MAP4K2: variants seen among roughly 807,000 people sequenced by gnomAD.
MAP4K2 encodes the protein B lymphocyte serine/threonine protein kinase.
In MAP4K2, 85 loss-of-function variants were observed where a neutral mutation model predicts 125.3. That is an observed-to-expected ratio of 0.68 (90% CI 0.57 to 0.81). The LOEUF (loss-of-function observed/expected upper bound fraction) is 0.81. Among genes scored for constraint, MAP4K2 ranks in the 40% least tolerant of loss-of-function variants. The pLI is 0.00. For missense variants in MAP4K2, 923 were observed against 1,056.4 expected, an observed-to-expected ratio of 0.87 and a Z score of 1.75; for synonymous variants, 479 against 445.1, an observed-to-expected ratio of 1.08 and a Z score of -0.96.
rs374288132 is a variant in MAP4K2, at chr11:64,796,918, G to A, written c.1408-25C>T. 665 of 1,613,848 alleles carry A rather than the reference G, an allele frequency of 4.1e-4. 1 individual carries two copies. The highest frequency in any genetic ancestry group is 7.1e-5 in the Non-Finnish European group (84 of 1,180,008). On this transcript the variant is annotated intron_variant, in intron 20 of 31. Transcript: ENST00000294066. ...TCTGCAGAGGAGGCAAGAGGCTGGCGAGGGAGTGCAGGGGTGGTGGGTGGC... is the reference window on the plus strand; with the variant it reads ...TCTGCAGAGGAGGCAAGAGGCTGGCAAGGGAGTGCAGGGGTGGTGGGTGGC...
rs752791290 is a variant in MAP4K2, at chr11:64,800,830, T to C, written c.663-4A>G. 1.2e-6 allele frequency: 2 copies of C among 1,612,864 alleles called. No individual in the cohort carries two copies. The highest frequency in any genetic ancestry group is 2.2e-5 in the East Asian group (1 of 44,854). On this transcript the variant is annotated splice_region_variant and splice_polypyrimidine_tract_variant and intron_variant, in intron 9 of 31. Transcript: ENST00000294066. ...CTTCGACATGAGCATCAGGGCCCTG[T>C]GGAGGGCGCGAGGTCAGGGGCCACA...
rs202210431 is a variant in MAP4K2, at chr11:64,800,291, C to T, written c.807+20G>A. The T allele has an allele frequency of 7.3e-4, 1,172 of 1,613,616 alleles. 21 individuals carry two copies. In the South Asian group the frequency reaches 0.012, roughly 17 times the overall value. ...CTGCTTTTGAGTACTGGGCCTCTCT[C>T]CCGGCCCCCTGCCTCCCACCTGCAG... is the stretch of plus-strand genomic sequence containing the variant. On this transcript the variant is annotated intron_variant, in intron 11 of 31. Transcript: ENST00000294066.
At chr11:64,802,861 C>G (rs1186340480) in intron 2 of MAP4K2, 24 bp downstream of exon 2, 1 of 1,594,580 alleles carries the variant, frequency 6.3e-7, no homozygotes, top group Admixed American at 1.7e-5. Flanking sequence ...TCCTCTGGCG[C>G]AGAGGCCCGA....
At chr11:64,796,917 C>G in intron 20 of MAP4K2, 24 bp from the exon 21 acceptor site, 1 of 1,613,830 alleles carries the variant, frequency 6.2e-7, no homozygotes, top group South Asian at 1.1e-5. Flanking sequence ...AAGAGGCTGG[C>G]GAGGGAGTGC....
intron 24 of MAP4K2, 110 bp downstream of exon 24, chr11:64,796,163 A>T: frequency 1.0e-6 from 1 of 996,544 alleles, no homozygotes; most frequent in Non-Finnish European, 1.4e-6. Flanking sequence ...ACGGGCGCTC[A>T]GAGAGACAAC....
In MAP4K2 at chr11:64,786,922, TA is replaced by T. The variant is rs1332426687; in HGVS notation, c.*2614del. On this transcript the variant is annotated 3_prime_UTR_variant, in exon 32 of 32. Coordinates refer to ENST00000294066, the MANE Select transcript of MAP4K2 (RefSeq NM_004579.5). Reference sequence around the variant, plus strand: ...CTGTAAAAAAAAAAAAATTTTTTTTTAAAGGGAGATCTTTAACGCAAAACTC... The same window carrying T: ...CTGTAAAAAAAAAAAAATTTTTTTTTAAGGGAGATCTTTAACGCAAAACTC... 6.6e-6 allele frequency: 1 copy of T among 151,832 alleles called. No homozygotes were observed. Among genetic ancestry groups the T allele is most frequent in the Non-Finnish European group, 1.5e-5 (1 of 67,984 alleles). The allele number at this position is 151,832 out of a possible 1,614,324, so 9.4% of individuals were successfully genotyped here.
In MAP4K2 at chr11:64,789,310, G is replaced by T; in HGVS notation, c.*227C>A. 1 of 565,800 alleles carries T rather than the reference G, an allele frequency of 1.8e-6. No individual in the cohort carries two copies. The highest frequency in any genetic ancestry group is 2.0e-5 in the South Asian group (1 of 48,842). 35.0% of individuals were successfully genotyped at this position (565,800 alleles called of 1,614,324 possible). On this transcript the variant is annotated 3_prime_UTR_variant, in exon 32 of 32. Transcript: ENST00000294066. ...TGGGCACTAGGGACTGGGCTGCCTC[G>T]GGGATGGGGGAGTGACAGCAGCTCC... is the stretch of plus-strand genomic sequence containing the variant.
In MAP4K2 at chr11:64,789,627, GGAGGAGA is replaced by G; in HGVS notation, c.2376-10_2376-4del. ...GAATGCTCTCCAGGATGATGTCTCT[GGAGGAGA>G]GAGGAGTAGGGGGCAGGGCGGGAGA... On this transcript the variant is annotated splice_polypyrimidine_tract_variant and splice_region_variant and intron_variant, in intron 31 of 31. Transcript: ENST00000294066. 6.2e-7 allele frequency: 1 copy of G among 1,610,242 alleles called. No homozygotes were observed. Among genetic ancestry groups the G allele is most frequent in the Non-Finnish European group, 8.5e-7 (1 of 1,178,274 alleles).
chr11:64,800,445 G>A, intron 10 of MAP4K2, 53 bp from the exon 11 acceptor site: 5 of 1,586,046 alleles, frequency 3.2e-6, no homozygotes, highest in Non-Finnish European at 4.3e-6. Context: ...CCTCGTGCAG[G>A]GTGTCCTGCC....
Position 64,796,274 on chromosome 11 carries a change from T to C in MAP4K2, c.1750A>G (p.Arg584Gly). ...CCCTGCACGCCCAAGATCCCTGACC[T>C]GGGGATGATGCGCTGGGTGAGGCGG... ...TNRLTQRIIPRRFALSTKIPD... is the reference protein window; with the variant it reads ...TNRLTQRIIPGRFALSTKIPD... Residue 584 changes from arginine to glycine, a missense_variant and splice_region_variant, in exon 24 of 32, where the codon AGG becomes GGG. Around this residue, in one of 2 missense-constraint regions of MAP4K2, gnomAD observed 833 missense variants for 911.4 expected, o/e 0.91. Coordinates refer to ENST00000294066, the MANE Select transcript of MAP4K2 (RefSeq NM_004579.5). 6.5e-7 allele frequency: 1 copy of C among 1,526,902 alleles called. No individual in the cohort carries two copies. The highest frequency in any genetic ancestry group is 8.8e-7 in the Non-Finnish European group (1 of 1,138,172). 94.6% of individuals were successfully genotyped at this position (1,526,902 alleles called of 1,614,324 possible). A position where few individuals can be genotyped will look rare whatever the true frequency, so the allele number is the denominator to read the frequency against.
chr11:64,801,665 G>A (rs1339530245), intron 6 of MAP4K2, 44 bp from the exon 7 acceptor site: 1 of 1,613,818 alleles, frequency 6.2e-7, no homozygotes, highest in Non-Finnish European at 8.5e-7. Flanking sequence ...TGCCCCCGAG[G>A]GCCTCCTCCT....
Position 64,791,916 on chromosome 11 carries a change from G to A in MAP4K2, c.2085C>T (p.Ile695=), listed in dbSNP as rs1246633960. The A allele has an allele frequency of 6.3e-7, 1 of 1,588,990 alleles. No individual in the cohort carries two copies. The highest frequency in any genetic ancestry group is 8.6e-7 in the Non-Finnish European group (1 of 1,166,132). ...CCTGGCCCTTCTGCTCACCAGGTGG[G>A]ATGAGGATGTCGGGCGTCAGGCCAG... ...LEAGLTPDIL[I]PPEGIPGSAQ... The change falls in exon 27 of 32, where the codon ATC becomes ATT. Residue 695 remains isoleucine (I), a synonymous_variant. Coordinates refer to ENST00000294066, the MANE Select transcript of MAP4K2 (RefSeq NM_004579.5).
chr11:64,798,001 CTTTT>C (rs761143115), intron 15 of MAP4K2, among the ~76,000 whole-genome samples: 1 of 127,638 alleles, frequency 7.8e-6, no homozygotes, highest in Admixed American at 7.9e-5. Context: ...CACACCCGGG[CTTTT>C]TTTTTTTTTT....
chr11:64,791,924 T>A lies in MAP4K2; in HGVS notation c.2077A>T (p.Ile693Phe), dbSNP rs1261058921. The A allele has an allele frequency of 6.3e-7, 1 of 1,595,126 alleles. No homozygotes were observed. Among genetic ancestry groups the A allele is most frequent in the Admixed American group, 1.7e-5 (1 of 58,180 alleles). The part of the protein sequence containing the change: ...LPLEAGLTPD[I>F]LIPPEGIPGS... ...TTCTGCTCACCAGGTGGGATGAGGA[T>A]GTCGGGCGTCAGGCCAGCCTCCAGG... The change falls in exon 27 of 32, where the codon ATC (isoleucine) becomes TTC (phenylalanine). Residue 693 changes from isoleucine to phenylalanine, a missense_variant. Physicochemically the swap from Ile to Phe is conservative, Grantham distance 21. This residue lies in a region of MAP4K2 where 833 missense variants were observed against 911.4 expected (regional missense o/e 0.91). Coordinates refer to ENST00000294066, the MANE Select transcript of MAP4K2 (RefSeq NM_004579.5).
intron 15 of MAP4K2, 53 bp from the exon 16 acceptor site, chr11:64,797,717 T>TC (rs1448514391): frequency 2.3e-5 from 33 of 1,444,258 alleles, no homozygotes; most frequent in Admixed American, 2.9e-5. Flanking sequence ...TTTTTTTTTT[T>TC]TTTTTTGAGA....
Position 64,792,423 on chromosome 11 carries a change from C to G in MAP4K2, c.1752-1G>C. Reference sequence around the variant, plus strand: ...AATCTTGGTGGACAGAGCAAAGCGCCTGTAGGGGTGATAACCAGGGCCTGT... The same window carrying G: ...AATCTTGGTGGACAGAGCAAAGCGCGTGTAGGGGTGATAACCAGGGCCTGT... On this transcript the variant is annotated splice_acceptor_variant, in intron 24 of 31. Coordinates refer to ENST00000294066, the MANE Select transcript of MAP4K2 (RefSeq NM_004579.5). LOFTEE classifies it high-confidence loss of function. 6.3e-7 allele frequency: 1 copy of G among 1,587,722 alleles called. No homozygotes were observed. The highest frequency in any genetic ancestry group is 8.6e-7 in the Non-Finnish European group (1 of 1,166,526).
chr11:64,794,818 G>C (rs1040533129), intron 24 of MAP4K2, among the ~76,000 whole-genome samples: 15 of 152,090 alleles, frequency 9.9e-5, no homozygotes, highest in African/African-American at 3.6e-4. Flanking sequence ...CCCGGTCTCT[G>C]AGGCCTCTCC....
rs757447104 is a variant in MAP4K2 at position 64,799,586 on chromosome 11, G to A, written c.994+19C>T. 5.6e-6 allele frequency: 9 copies of A among 1,602,146 alleles called. No individual in the cohort carries two copies. The highest frequency in any genetic ancestry group is 7.7e-6 in the Non-Finnish European group (9 of 1,171,756). On this transcript the variant is annotated intron_variant, in intron 13 of 31. Transcript: ENST00000294066. ...GCCCCCCAAAATCTGCACACACACA[G>A]CCCCTGCTGCAGACTCACACTGGAT...
In MAP4K2 at chr11:64,788,777, TCTGGG is replaced by T. The variant is rs1940309981; in HGVS notation, c.*755_*759del. On this transcript the variant is annotated 3_prime_UTR_variant, in exon 32 of 32. Coordinates refer to ENST00000294066, the MANE Select transcript of MAP4K2 (RefSeq NM_004579.5). ...TCCATGGGAATGGAGGGAACAGCCC[TCTGGG>T]GGCTCCTCCTGGGCCCTTCCAGGGG... The T allele has an allele frequency of 2.0e-5, 3 of 152,258 alleles. No individual in the cohort carries two copies. Among genetic ancestry groups the T allele is most frequent in the Admixed American group, 2.0e-4 (3 of 15,276 alleles). The allele number at this position is 152,258 out of a possible 1,614,324, so 9.4% of individuals were successfully genotyped here.
Sources: allele counts gnomAD v4.1 joint callset (sites outside exome capture counted in the v4.1 genomes callset), GRCh38; gene constraint gnomAD v4.1.1; regional missense constraint gnomAD v4.1.1; transcripts MANE v1.5; gene names NCBI Gene and HGNC (gene_info 2026-07-23, HGNC 2026-07-21).